The following IQCM variants were observed in gnomAD, a reference collection of about 807,000 sequenced individuals.
IQCM encodes IQ motif containing M.
Under a neutral mutation model 57.6 loss-of-function variants are expected in IQCM, and 45 were observed. That is an observed-to-expected ratio of 0.78 (90% CI 0.62 to 1.00). IQCM has a LOEUF of 1.00. Ranked by LOEUF, IQCM falls within the 50% of genes least tolerant of loss-of-function variation. The pLI, the probability that IQCM is intolerant of heterozygous loss-of-function variation, is 0.00. For missense variants in IQCM, 468 were observed against 511.6 expected (o/e 0.91, Z 0.82); for synonymous variants, 148 against 158.9 (o/e 0.93, Z 0.51).
intron 8 of IQCM, among the ~76,000 whole-genome samples, chr4:149,608,502 C>G (rs1754992394): frequency 6.6e-6 from 1 of 151,770 alleles, no homozygotes; most frequent in Admixed American, 6.6e-5. Context: ...CAAGGATAAA[C>G]TATATGTTAT....
chr4:149,747,400 T>C (rs981980284), intron 2 of IQCM, among the ~76,000 whole-genome samples: 16 of 152,184 alleles, frequency 1.1e-4, no homozygotes, highest in African/African-American at 3.9e-4. Context: ...CCCTCCCATA[T>C]AGTTTAAATC....
At chr4:149,586,804 A>T (rs1423351753) in intron 9 of IQCM, among the ~76,000 whole-genome samples, 2 of 151,686 alleles carry the variant, frequency 1.3e-5, no homozygotes, top group Non-Finnish European at 3.0e-5. Context: ...GTTATTATGA[A>T]CACCTTTTTT....
intron 13 of IQCM, among the ~76,000 whole-genome samples, chr4:149,386,089 C>T (rs1353895159): frequency 6.6e-6 from 1 of 151,998 alleles, no homozygotes; most frequent in Non-Finnish European, 1.5e-5. Flanking sequence ...CTTAGAAGGT[C>T]CTACATAAAT....
At chr4:149,430,453 A>T (rs1259590188) in intron 13 of IQCM, among the ~76,000 whole-genome samples, 1 of 151,978 alleles carries the variant, frequency 6.6e-6, no homozygotes, top group Non-Finnish European at 1.5e-5. Context: ...AATCAAGATG[A>T]TAAACATTTC....
At chr4:149,399,234 C>G (rs745615258) in intron 13 of IQCM, among the ~76,000 whole-genome samples, 2 of 152,026 alleles carry the variant, frequency 1.3e-5, no homozygotes, top group Non-Finnish European at 2.9e-5. Context: ...ACATCATCCT[C>G]TTAGTGAGGT....
chr4:149,494,749 G>A (rs1164748748), intron 12 of IQCM, among the ~76,000 whole-genome samples: 2 of 152,140 alleles, frequency 1.3e-5, no homozygotes, highest in African/African-American at 4.8e-5. Context: ...GATGAGACTG[G>A]AGAAGCAGAC....
intron 7 of IQCM, among the ~76,000 whole-genome samples, chr4:149,665,816 C>A (rs1035238369): frequency 6.6e-6 from 1 of 152,094 alleles, no homozygotes; most frequent in Admixed American, 6.6e-5. Context: ...CCAGTGTGGC[C>A]AGGATAAAAG....
intron 5 of IQCM, among the ~76,000 whole-genome samples, chr4:149,688,288 G>C (rs956734903): frequency 2.0e-5 from 3 of 151,920 alleles, no homozygotes; most frequent in Non-Finnish European, 4.4e-5. Context: ...CAAATCAGTA[G>C]CTCTTCCATA....
rs992067747 is a variant in IQCM, at chr4:149,650,417, T to G, written c.566-29173A>C. Among the ~76,000 whole-genome samples, 12 of 151,348 alleles carry G rather than the reference T, an allele frequency of 7.9e-5. No homozygotes were observed. In the East Asian group the frequency reaches 1.8e-3, roughly 22 times the overall value. Reference sequence around the variant, plus strand: ...ATTAATTTCTGGGTTTTTTTTTTTTTTTTTTGACTCTGTCACCCAGGCTGG... The same window carrying G: ...ATTAATTTCTGGGTTTTTTTTTTTTGTTTTTGACTCTGTCACCCAGGCTGG... On this transcript the variant is annotated intron_variant, in intron 7 of 13. Coordinates refer to ENST00000636793, the MANE Select transcript of IQCM (RefSeq NM_001363507.2).
In IQCM at chr4:149,503,198, G is replaced by A. The variant is rs1282961702; in HGVS notation, c.1228+45257C>T. ...ATCATGCCACTGCACTTCAGCCTGG[G>A]CAACAGAGCAAGACCCTGTCTCTAC... On this transcript the variant is annotated intron_variant, in intron 12 of 13. Transcript: ENST00000636793. Among the ~76,000 whole-genome samples the A allele has an allele frequency of 2.6e-5, 4 of 152,152 alleles. No homozygotes were observed. In the South Asian group the frequency reaches 6.2e-4, roughly 24 times the overall value.
intron 12 of IQCM, among the ~76,000 whole-genome samples, chr4:149,493,015 T>G (rs1742257494): frequency 6.6e-6 from 1 of 152,020 alleles, no homozygotes; most frequent in African/African-American, 2.4e-5. Context: ...ATAAACTACC[T>G]GAACATCAGG....
At chr4:149,654,707 A>C (rs1262208254) in intron 7 of IQCM, among the ~76,000 whole-genome samples, 2 of 152,158 alleles carry the variant, frequency 1.3e-5, no homozygotes, top group African/African-American at 2.4e-5. Flanking sequence ...CAAATATAGA[A>C]ATGAGTGACC....
intron 9 of IQCM, among the ~76,000 whole-genome samples, chr4:149,578,943 T>A (rs1433596983): frequency 6.6e-6 from 1 of 151,826 alleles, no homozygotes; most frequent in African/African-American, 2.4e-5. Context: ...TTCCCCATGC[T>A]TTTGCCTCTC....
chr4:149,520,358 T>G (rs1018364659), intron 12 of IQCM, among the ~76,000 whole-genome samples: 2 of 151,982 alleles, frequency 1.3e-5, no homozygotes, highest in South Asian at 4.2e-4. Flanking sequence ...AACACGTTCC[T>G]GTTTTCCTGG....
chr4:149,660,293 C>T (rs1760060460), intron 7 of IQCM, among the ~76,000 whole-genome samples: 2 of 152,138 alleles, frequency 1.3e-5, no homozygotes, highest in Non-Finnish European at 2.9e-5. Flanking sequence ...TACCACCTCA[C>T]ACCAGTTAGA....
intron 2 of IQCM, among the ~76,000 whole-genome samples, chr4:149,765,358 C>T (rs115401945): frequency 0.015 from 2,260 of 152,038 alleles, 68 homozygotes; most frequent in African/African-American, 0.051. Context: ...GAAGTAATTT[C>T]GAAGAGAAAA....
At chr4:149,614,116 G>C (rs1755567503) in intron 8 of IQCM, among the ~76,000 whole-genome samples, 1 of 151,972 alleles carries the variant, frequency 6.6e-6, no homozygotes, top group Admixed American at 6.6e-5. Flanking sequence ...TCTCATGTAG[G>C]ATGTGTTCCC....
chr4:149,646,071 T>G (rs990432330), intron 7 of IQCM, among the ~76,000 whole-genome samples: 5 of 152,194 alleles, frequency 3.3e-5, no homozygotes, highest in African/African-American at 9.6e-5. Flanking sequence ...CCTTCTCTAA[T>G]GAAGTCTGAA....
chr4:149,739,980 T>C (rs908718598), intron 3 of IQCM, among the ~76,000 whole-genome samples: 2 of 152,216 alleles, frequency 1.3e-5, no homozygotes, highest in Admixed American at 6.5e-5. Context: ...AATCTAGTTA[T>C]GGAAACTATG....
Sources: allele counts gnomAD v4.1 joint callset (sites outside exome capture counted in the v4.1 genomes callset), GRCh38; gene constraint gnomAD v4.1.1; transcripts MANE v1.5; gene names NCBI Gene and HGNC (gene_info 2026-07-23, HGNC 2026-07-21).